The following NAV3 variants were observed in gnomAD, a reference collection of about 807,000 sequenced individuals.
The protein encoded by NAV3 is neuron navigator 3.
NAV3 carries 87 observed loss-of-function variants against 244.7 expected under a neutral mutation model. The observed-to-expected ratio is 0.36, with a 90% CI of 0.30 to 0.42. The LOEUF (loss-of-function observed/expected upper bound fraction) is 0.42, where lower values mean the gene tolerates loss of function less well. NAV3 is among the 20% of genes least tolerant of loss of function. The pLI is 1.00. For synonymous variants in NAV3, 1,126 were observed against 1,042.2 expected (o/e 1.08, Z -1.55); for missense variants, 2,663 against 2,893.3 (o/e 0.92, Z 1.83).
rs73140010 is a variant in NAV3, at chr12:77,834,815, T to A, written c.243+3111T>A. On this transcript the variant is annotated intron_variant, in intron 1 of 39. Coordinates refer to ENST00000397909, the MANE Select transcript of NAV3 (RefSeq NM_001024383.2). The stretch of plus-strand genomic sequence containing the variant: ...TTTTCAAACAAATGTAAAGAATGCC[T>A]GGTCAGCAGTTCAGAATATTTCTAA... Among the ~76,000 whole-genome samples the A allele has an allele frequency of 8.5e-3, 1,295 of 152,278 alleles. 16 individuals carry two copies. Among genetic ancestry groups the A allele is most frequent in the South Asian group, 0.036 (173 of 4,822 alleles).
intron 6 of NAV3, among the ~76,000 whole-genome samples, chr12:77,997,416 T>C (rs1319742082): frequency 6.6e-6 from 1 of 152,142 alleles, no homozygotes; most frequent in Admixed American, 6.6e-5. Flanking sequence ...AAAGTGGAAA[T>C]TGTTTAAGAG....
At chr12:77,613,312 T>C (rs696459) in intron 2 of NAV3, among the ~76,000 whole-genome samples, 31,241 of 152,106 alleles carry the variant, frequency 0.21, 4,401 homozygotes, top group African/African-American at 0.4. Context: ...CAACAACTTT[T>C]ATTTCACTTG....
chr12:77,852,166 G>A (rs1290985359), intron 1 of NAV3, among the ~76,000 whole-genome samples: 1 of 152,220 alleles, frequency 6.6e-6, no homozygotes, highest in Non-Finnish European at 1.5e-5. Context: ...AGGGATAGAT[G>A]TGGCCTGCTC....
intron 1 of NAV3, among the ~76,000 whole-genome samples, chr12:77,918,900 A>G (rs368869598): frequency 1.3e-5 from 2 of 152,078 alleles, no homozygotes; most frequent in Admixed American, 6.6e-5. Context: ...AAGATTGGAG[A>G]AATAGACTCC....
chr12:77,616,560 G>A (rs1389953974), intron 2 of NAV3, among the ~76,000 whole-genome samples: 1 of 151,986 alleles, frequency 6.6e-6, no homozygotes, highest in Non-Finnish European at 1.5e-5. Flanking sequence ...GAGGTAGGGG[G>A]GACCAGTTTA....
intron 2 of NAV3, among the ~76,000 whole-genome samples, chr12:77,766,841 C>T (rs1459650457): frequency 6.8e-6 from 1 of 146,168 alleles, no homozygotes; most frequent in Non-Finnish European, 1.5e-5. Context: ...GAAACCTCCA[C>T]CTCCTGGGTT....
At chr12:77,961,689 T>C (rs1260894951) in intron 3 of NAV3, among the ~76,000 whole-genome samples, 2 of 147,584 alleles carry the variant, frequency 1.4e-5, no homozygotes, top group Non-Finnish European at 3.0e-5. Context: ...ATATGTAATA[T>C]ATGTTATATA....
At chr12:78,088,616 A>C (rs1322490260) in intron 12 of NAV3, among the ~76,000 whole-genome samples, 1 of 152,114 alleles carries the variant, frequency 6.6e-6, no homozygotes, top group Non-Finnish European at 1.5e-5. Flanking sequence ...AGAGATCAGG[A>C]AATAACTAAA....
chr12:77,762,212 A>G (rs1452172534), intron 2 of NAV3, among the ~76,000 whole-genome samples: 1 of 152,148 alleles, frequency 6.6e-6, no homozygotes, highest in Admixed American at 6.6e-5. Context: ...CTCACTCATA[A>G]GTATGAGTTG....
At chr12:77,680,747 CT>C (rs1219130006) in intron 2 of NAV3, among the ~76,000 whole-genome samples, 1 of 151,870 alleles carries the variant, frequency 6.6e-6, no homozygotes. Context: ...AGAAAAATAT[CT>C]CTATACACAC....
At chr12:77,944,425 T>G (rs1189127675) in intron 3 of NAV3, among the ~76,000 whole-genome samples, 4 of 152,148 alleles carry the variant, frequency 2.6e-5, no homozygotes, top group Non-Finnish European at 4.4e-5. Flanking sequence ...TTAGCCTGAA[T>G]GGGTAAGTAA....
intron 14 of NAV3, among the ~76,000 whole-genome samples, chr12:78,118,992 A>G (rs1955545713): frequency 6.6e-6 from 1 of 152,238 alleles, no homozygotes; most frequent in Admixed American, 6.5e-5. Flanking sequence ...AATATAAGAC[A>G]TTAACAAATA....
intron 2 of NAV3, among the ~76,000 whole-genome samples, chr12:77,791,416 A>C (rs1285015279): frequency 6.6e-6 from 1 of 151,766 alleles, no homozygotes; most frequent in East Asian, 1.9e-4. Context: ...ACTCAATCTT[A>C]TGGATAGGCC....
intron 1 of NAV3, among the ~76,000 whole-genome samples, chr12:77,915,920 CAAT>C (rs1887098271): frequency 6.6e-6 from 1 of 151,930 alleles, no homozygotes; most frequent in Non-Finnish European, 1.5e-5. Context: ...GCTTACCTTC[CAAT>C]GAGATGAGTG....
chr12:78,151,880 T>C (rs1957093470), intron 22 of NAV3, among the ~76,000 whole-genome samples: 1 of 151,018 alleles, frequency 6.6e-6, no homozygotes, highest in Non-Finnish European at 1.5e-5. Context: ...AAATATATAA[T>C]GTATTAAAAT....
At chr12:77,930,832 G>GA (rs1888711750) in intron 1 of NAV3, among the ~76,000 whole-genome samples, 1 of 152,148 alleles carries the variant, frequency 6.6e-6, no homozygotes, top group South Asian at 2.1e-4. Flanking sequence ...ATTTGAGATT[G>GA]AAAATCAATT....
intron 4 of NAV3, among the ~76,000 whole-genome samples, chr12:77,967,541 T>G (rs564978010): frequency 6.6e-6 from 1 of 152,266 alleles, no homozygotes; most frequent in African/African-American, 2.4e-5. Flanking sequence ...TTGGTTAATT[T>G]TCCTAAACTC....
At chr12:78,145,094 C>A in intron 20 of NAV3, 1 of 304,734 alleles carries the variant, frequency 3.3e-6, no homozygotes, top group South Asian at 2.7e-5. Flanking sequence ...TATTCAAAAA[C>A]CAAACTGTGT....
intron 1 of NAV3, among the ~76,000 whole-genome samples, chr12:77,901,452 G>T (rs1298909562): frequency 1.3e-5 from 2 of 152,144 alleles, no homozygotes; most frequent in African/African-American, 4.8e-5. Flanking sequence ...GCTCACGCCT[G>T]GAATCCCAGC....
Sources: allele counts gnomAD v4.1 joint callset (sites outside exome capture counted in the v4.1 genomes callset), GRCh38; gene constraint gnomAD v4.1.1; transcripts MANE v1.5; gene names NCBI Gene and HGNC (gene_info 2026-07-23, HGNC 2026-07-21).